The following SLC30A4 variants were observed in gnomAD, a reference collection of about 807,000 sequenced individuals.
SLC30A4 encodes the protein probable proton-coupled zinc antiporter SLC30A4.
A neutral mutation model predicts 41.7 loss-of-function variants in SLC30A4; 20 were observed. That is an observed-to-expected ratio of 0.48 (90% CI 0.34 to 0.70). The LOEUF (loss-of-function observed/expected upper bound fraction) is 0.70, where lower values mean the gene tolerates loss of function less well. SLC30A4 is among the 30% of genes least tolerant of loss of function. The pLI, the probability that SLC30A4 is intolerant of heterozygous loss-of-function variation, is 0.01. For synonymous variants in SLC30A4, 181 were observed against 195.9 expected (o/e 0.92, Z 0.64); for missense variants, 441 against 529.3 (o/e 0.83, Z 1.64).
In SLC30A4 at chr15:45,483,503, G is replaced by A. The variant is rs976658807; in HGVS notation, c.*1660C>T. On this transcript the variant is annotated 3_prime_UTR_variant, in exon 8 of 8. Coordinates refer to ENST00000261867, the MANE Select transcript of SLC30A4 (RefSeq NM_013309.6). ...TAACACAGGCATTTACAATTAGGTT[G>A]CCTTCAGTTTGGAAACCTCTGTTTA... 4.6e-5 allele frequency: 7 copies of A among 152,216 alleles called. No individual in the cohort carries two copies. Among genetic ancestry groups the A allele is most frequent in the Admixed American group, 2.0e-4 (3 of 15,278 alleles). 9.4% of individuals were successfully genotyped at this position (152,216 alleles called of 1,614,324 possible). A position where few individuals can be genotyped will look rare whatever the true frequency, so the allele number is the denominator to read the frequency against.
At chr15:45,521,042 A>G (rs781154884) in intron 2 of SLC30A4, 2 of 465,556 alleles carry the variant, frequency 4.3e-6, no homozygotes, top group Non-Finnish European at 8.9e-6. Context: ...AATGTATATA[A>G]TTTTTCCCAC....
Position 45,485,370 on chromosome 15 carries a change from T to TAAG in SLC30A4, c.1136-56_1136-54dup, listed in dbSNP as rs1469942400. 4.6e-6 allele frequency: 6 copies of TAAG among 1,303,538 alleles called. No homozygotes were observed. The African/African-American group carries it at 7.4e-5, about 16-fold the overall frequency. 80.7% of individuals were successfully genotyped at this position (1,303,538 alleles called of 1,614,324 possible). On this transcript the variant is annotated intron_variant, in intron 7 of 7. Transcript: ENST00000261867. ...ATCCATTGTACAGTTACATCTTGAA[T>TAAG]AAGATACAGGGAAAAAAACAACTGA...
chr15:45,508,656 CTA>C (rs1892213252), intron 3 of SLC30A4, among the ~76,000 whole-genome samples: 2 of 152,176 alleles, frequency 1.3e-5, no homozygotes, highest in African/African-American at 4.8e-5. Context: ...TTTGGTACCT[CTA>C]TGTTTTTATC....
intron 3 of SLC30A4, among the ~76,000 whole-genome samples, chr15:45,506,767 G>C (rs1309574788): frequency 1.3e-5 from 2 of 152,126 alleles, no homozygotes; most frequent in African/African-American, 4.8e-5. Flanking sequence ...CTTAGCTCAG[G>C]AAATACCTAT....
chr15:45,507,268 C>A lies in SLC30A4; in HGVS notation c.538+3870G>T, dbSNP rs561730730. On this transcript the variant is annotated intron_variant, in intron 3 of 7. Coordinates refer to ENST00000261867, the MANE Select transcript of SLC30A4 (RefSeq NM_013309.6). ...CTGGGAAGTGGAGGTTGCAGTAAGC[C>A]GAGACCGCGCCATTGCACTCCAGCC... Among the ~76,000 whole-genome samples, 30 of 150,704 alleles carry A rather than the reference C, an allele frequency of 2.0e-4. No homozygotes were observed. In the South Asian group the frequency reaches 6.3e-3, roughly 32 times the overall value.
intron 3 of SLC30A4, among the ~76,000 whole-genome samples, chr15:45,496,939 A>C (rs1272192428): frequency 6.6e-6 from 1 of 151,840 alleles, no homozygotes; most frequent in Non-Finnish European, 1.5e-5. Context: ...AGGTGGAAGG[A>C]TAGCTTGAGC....
intron 2 of SLC30A4, among the ~76,000 whole-genome samples, chr15:45,516,696 C>T (rs185477157): frequency 9.8e-4 from 149 of 152,224 alleles, no homozygotes; most frequent in Non-Finnish European, 1.9e-3. Context: ...TGTTGAAACT[C>T]CGTCTCTACT....
At chr15:45,508,316 G>A (rs139757617) in intron 3 of SLC30A4, among the ~76,000 whole-genome samples, 1 of 152,304 alleles carries the variant, frequency 6.6e-6, no homozygotes, top group East Asian at 1.9e-4. Context: ...CTTTCTAGAA[G>A]AACTATGTGG....
intron 2 of SLC30A4, among the ~76,000 whole-genome samples, chr15:45,517,217 G>A (rs1470105642): frequency 6.6e-6 from 1 of 151,226 alleles, no homozygotes. Context: ...AGTTCCTAGA[G>A]ACTTGGGCTC....
At chr15:45,486,922 G>A (rs1199358946) in intron 6 of SLC30A4, among the ~76,000 whole-genome samples, 177 bp from the exon 7 acceptor site, 1 of 151,572 alleles carries the variant, frequency 6.6e-6, no homozygotes, top group Non-Finnish European at 1.5e-5. Flanking sequence ...TATTAAAAAT[G>A]TAAGATATAT....
At chr15:45,498,123 TA>T (rs1193085824) in intron 3 of SLC30A4, among the ~76,000 whole-genome samples, 1 of 152,118 alleles carries the variant, frequency 6.6e-6, no homozygotes, top group African/African-American at 2.4e-5. Flanking sequence ...TTCCATTGCT[TA>T]AAAAAACTAT....
Position 45,522,247 on chromosome 15 carries a change from C to T in SLC30A4, c.108G>A (p.Gly36=). Residue 36 remains glycine, a synonymous_variant, in exon 2 of 8, where the codon GGG becomes GGA. Transcript: ENST00000261867. Reference sequence around the variant, plus strand: ...TGTTGAACCGAGAAAGCCCCTCGTCCCCCGCCTCATCCGAGAAGTCAAAGG... The same window carrying T: ...TGTTGAACCGAGAAAGCCCCTCGTCTCCCGCCTCATCCGAGAAGTCAAAGG... ...TSAFDFSDEA[G]DEGLSRFNKL... The T allele has an allele frequency of 6.2e-7, 1 of 1,614,224 alleles. No homozygotes were observed. Among genetic ancestry groups the T allele is most frequent in the African/African-American group, 1.3e-5 (1 of 75,064 alleles).
At chr15:45,491,310 C>CAT (rs1413938173) in intron 3 of SLC30A4, among the ~76,000 whole-genome samples, 1 of 152,228 alleles carries the variant, frequency 6.6e-6, no homozygotes, top group Non-Finnish European at 1.5e-5. Context: ...TCCTCTCTCT[C>CAT]CAGGGTCAAA....
intron 2 of SLC30A4, among the ~76,000 whole-genome samples, chr15:45,518,336 A>C (rs927122964): frequency 6.6e-6 from 1 of 152,190 alleles, no homozygotes; most frequent in Middle Eastern, 3.4e-3. Flanking sequence ...AAATTTACTT[A>C]CGTGTTTAAT....
rs1595533788 is a variant in SLC30A4 at position 45,518,623 on chromosome 15, C to T, written c.391+3341G>A. On this transcript the variant is annotated intron_variant, in intron 2 of 7. Transcript: ENST00000261867. The stretch of plus-strand genomic sequence containing the variant: ...TGTCACCTGGGGTGGAGTACAGCAG[C>T]CGGATCTCAGCTCACTGCAACCTCC... Among the ~76,000 whole-genome samples the T allele has an allele frequency of 2.6e-5, 4 of 152,238 alleles. 1 individual carries two copies. The highest frequency in any genetic ancestry group is 9.6e-5 in the African/African-American group (4 of 41,532).
intron 3 of SLC30A4, among the ~76,000 whole-genome samples, chr15:45,492,687 T>C (rs191510253): frequency 1.4e-4 from 22 of 151,950 alleles, no homozygotes; most frequent in Admixed American, 6.6e-5. Context: ...CATAGTGTTA[T>C]GTGAAAAAAA....
chr15:45,489,018 A>T lies in SLC30A4; in HGVS notation c.717T>A (p.Ser239=). Residue 239 remains serine, a synonymous_variant, in exon 5 of 8, where the codon TCT becomes TCA. Transcript: ENST00000261867. ...AGTGGGAATGGGAGTGACGGTGACCAGACTGGTTCAACAGAAACCCCATTC... is the reference window on the plus strand; with the variant it reads ...AGTGGGAATGGGAGTGACGGTGACCTGACTGGTTCAACAGAAACCCCATTC... ...NVIMGFLLNQ[S]GHRHSHSHSL... 6.2e-7 allele frequency: 1 copy of T among 1,613,438 alleles called. No homozygotes were observed. Among genetic ancestry groups the T allele is most frequent in the Non-Finnish European group, 8.5e-7 (1 of 1,179,566 alleles).
At chr15:45,490,416 C>T (rs11634424) in intron 4 of SLC30A4, among the ~76,000 whole-genome samples, 7 of 151,934 alleles carry the variant, frequency 4.6e-5, no homozygotes, top group African/African-American at 1.5e-4. Flanking sequence ...ACTTTCTTCC[C>T]TAAAAAGTTT....
chr15:45,485,718 CTT>C (rs776401920), intron 7 of SLC30A4, among the ~76,000 whole-genome samples: 27 of 138,206 alleles, frequency 2.0e-4, no homozygotes, highest in East Asian at 2.1e-4. Flanking sequence ...AATATTCTTT[CTT>C]TTTTTTTTTT....
Sources: allele counts gnomAD v4.1 joint callset (sites outside exome capture counted in the v4.1 genomes callset), GRCh38; gene constraint gnomAD v4.1.1; transcripts MANE v1.5; gene names NCBI Gene and HGNC (gene_info 2026-07-23, HGNC 2026-07-21).